Variants in ABCA12 observed in about 807,000 individuals in gnomAD.
ABCA12 encodes glucosylceramide transporter ABCA12.
Under a neutral mutation model 293.5 loss-of-function variants are expected in ABCA12, and 156 were observed. The ratio of observed to expected loss-of-function variants is 0.53; its 90% confidence interval spans 0.47 to 0.61. The LOEUF (loss-of-function observed/expected upper bound fraction) is 0.61, where lower values mean the gene tolerates loss of function less well. Ranked by LOEUF, ABCA12 falls within the 20% of genes least tolerant of loss-of-function variation. The probability of loss-of-function intolerance (pLI) is 0.00; values close to 1 mark genes in which losing one functional copy is unlikely to be tolerated. For synonymous variants in ABCA12, 1,063 were observed against 1,108.0 expected (o/e 0.96, Z 0.81); for missense variants, 2,797 against 3,090.2 (o/e 0.91, Z 2.25).
At chr2:215,030,477 G>T (rs979503657) in intron 9 of ABCA12, among the ~76,000 whole-genome samples, 1 of 151,904 alleles carries the variant, frequency 6.6e-6, no homozygotes, top group African/African-American at 2.4e-5. Context: ...GGTGGCAAGC[G>T]CCTGTAGTCC....
chr2:215,026,580 C>T (rs1441846575), intron 10 of ABCA12, among the ~76,000 whole-genome samples: 1 of 152,132 alleles, frequency 6.6e-6, no homozygotes, highest in Non-Finnish European at 1.5e-5. Flanking sequence ...CATTATATGG[C>T]CATTATGTAT....
chr2:214,941,170 TTC>T (rs1198644413), intron 50 of ABCA12, among the ~76,000 whole-genome samples: 1 of 152,208 alleles, frequency 6.6e-6, no homozygotes, highest in East Asian at 1.9e-4. Flanking sequence ...TGTGTCTGTG[TTC>T]TCATTGGTTT....
At chr2:215,019,217 G>T in intron 13 of ABCA12, 119 bp downstream of exon 13, 1 of 827,444 alleles carries the variant, frequency 1.2e-6, no homozygotes, top group Non-Finnish European at 2.0e-6. Context: ...TTTCTCATGT[G>T]TAAGGGCAGA....
intron 1 of ABCA12, among the ~76,000 whole-genome samples, chr2:215,114,787 A>G (rs1000852625): frequency 6.6e-6 from 1 of 152,204 alleles, no homozygotes; most frequent in African/African-American, 2.4e-5. Context: ...AATTAAGGTT[A>G]AAAAATTAAT....
rs1698148240 is a variant in ABCA12, at chr2:214,934,150, A to G, written c.7608T>C (p.Phe2536=). Residue 2536 remains phenylalanine, a synonymous_variant, in exon 52 of 53, where the codon TTT becomes TTC. Coordinates refer to ENST00000272895, the MANE Select transcript of ABCA12 (RefSeq NM_173076.3). ...PVTAGGVANI[F]DLLETNKTAL... is the part of the protein sequence containing the mutation. ...CAGTCTTGTTGGTTTCCAGCAGATCAAAAATGTTTGCGACTCCTCCTGCTG... is the reference window on the plus strand; with the variant it reads ...CAGTCTTGTTGGTTTCCAGCAGATCGAAAATGTTTGCGACTCCTCCTGCTG... 1 of 1,613,694 alleles carries G rather than the reference A, an allele frequency of 6.2e-7. No homozygotes were observed.
chr2:215,088,797 G>A (rs988863929), intron 2 of ABCA12, among the ~76,000 whole-genome samples: 5 of 152,134 alleles, frequency 3.3e-5, no homozygotes, highest in East Asian at 1.9e-4. Context: ...GGTTAAGATC[G>A]TGCATTTGTC....
At chr2:215,055,002 A>G (rs1338035439) in intron 3 of ABCA12, among the ~76,000 whole-genome samples, 1 of 152,140 alleles carries the variant, frequency 6.6e-6, no homozygotes, top group Non-Finnish European at 1.5e-5. Context: ...GGTCCCAAAC[A>G]AATGAGAATC....
rs923096427 is a variant in ABCA12, at chr2:215,111,499, C to T, written c.163+98G>A. The T allele has an allele frequency of 6.3e-5, 60 of 947,500 alleles. No homozygotes were observed. The African/African-American group carries it at 7.9e-4, about 12-fold the overall frequency. The allele number at this position is 947,500 out of a possible 1,614,324, so 58.7% of individuals were successfully genotyped here. A position where few individuals can be genotyped will look rare whatever the true frequency, so the allele number is the denominator to read the frequency against. ...AATCCTTCCAAGTGAAAACACTATACAAAAAAAAATTTTTGAAATGAAACA... is the reference window on the plus strand; with the variant it reads ...AATCCTTCCAAGTGAAAACACTATATAAAAAAAAATTTTTGAAATGAAACA... On this transcript the variant is annotated intron_variant, in intron 2 of 52. Coordinates refer to ENST00000272895, the MANE Select transcript of ABCA12 (RefSeq NM_173076.3).
intron 22 of ABCA12, among the ~76,000 whole-genome samples, chr2:214,999,416 T>C (rs1162410841): frequency 1.3e-5 from 2 of 152,200 alleles, no homozygotes; most frequent in African/African-American, 4.8e-5. Flanking sequence ...TTTCAGTTTT[T>C]TCATCTGGAA....
chr2:215,123,195 A>G (rs1261899993), intron 1 of ABCA12, among the ~76,000 whole-genome samples: 2 of 151,638 alleles, frequency 1.3e-5, no homozygotes, highest in Non-Finnish European at 2.9e-5. Flanking sequence ...CTTTTTTAAG[A>G]TGGAGTTTTG....
rs143702609 is a variant in ABCA12, at chr2:214,994,223, C to T, written c.3295-3192G>A. On this transcript the variant is annotated intron_variant, in intron 23 of 52. Coordinates refer to ENST00000272895, the MANE Select transcript of ABCA12 (RefSeq NM_173076.3). ...CTGATGGAAGGGGGCCCACCGAGAG[C>T]GGCTAGATGTGCTTTCTTGGATGCC... 7.8e-3 allele frequency among the ~76,000 whole-genome samples: 1,187 copies of T among 152,098 alleles called. 17 individuals are homozygous for T. Among genetic ancestry groups the T allele is most frequent in the African/African-American group, 0.026 (1,095 of 41,480 alleles).
At chr2:215,017,944 C>A (rs1469684362) in intron 14 of ABCA12, 64 bp downstream of exon 14, 1 of 1,609,540 alleles carries the variant, frequency 6.2e-7, no homozygotes, top group African/African-American at 1.3e-5. Flanking sequence ...AAGCGCTCAA[C>A]AAATGCTAAA....
chr2:214,968,083 T>C (rs1179013958), intron 38 of ABCA12, among the ~76,000 whole-genome samples: 1 of 152,166 alleles, frequency 6.6e-6, no homozygotes, highest in Admixed American at 6.6e-5. Context: ...CTAAATAGTT[T>C]TGACGTATAC....
chr2:215,070,799 T>C (rs951725978), intron 2 of ABCA12, among the ~76,000 whole-genome samples: 29 of 152,084 alleles, frequency 1.9e-4, no homozygotes, highest in Middle Eastern at 3.4e-3. Flanking sequence ...GTAAAATGCA[T>C]ATAGAAATCA....
intron 1 of ABCA12, among the ~76,000 whole-genome samples, chr2:215,127,420 T>G (rs2105913941): frequency 6.6e-6 from 1 of 152,322 alleles, no homozygotes; most frequent in African/African-American, 2.4e-5. Flanking sequence ...ACTATGTTGC[T>G]GCCTATCTCA....
chr2:215,076,490 C>CT (rs1701836661), intron 2 of ABCA12, among the ~76,000 whole-genome samples: 1 of 152,080 alleles, frequency 6.6e-6, no homozygotes. Context: ...TTACATCTAT[C>CT]AGATTGGCAA....
At chr2:215,018,302 T>A (rs1279370040) in intron 13 of ABCA12, among the ~76,000 whole-genome samples, 170 bp from the exon 14 acceptor site, 2 of 152,228 alleles carry the variant, frequency 1.3e-5, no homozygotes, top group Non-Finnish European at 2.9e-5. Context: ...TTCTATCTGA[T>A]TTAGATTTGT....
intron 9 of ABCA12, among the ~76,000 whole-genome samples, chr2:215,030,465 G>A (rs4270341): frequency 1 from 151,387 of 151,960 alleles, 75,412 homozygotes; most frequent in Non-Finnish European, 1. Context: ...TTAGCCAGGC[G>A]TGGTGGCAAG....
chr2:214,967,373 C>G (rs1165925608), intron 38 of ABCA12, among the ~76,000 whole-genome samples: 1 of 152,106 alleles, frequency 6.6e-6, no homozygotes, highest in Non-Finnish European at 1.5e-5. Flanking sequence ...CATATACACG[C>G]ATGGTGTCCT....
Sources: gnomAD v4.1 joint callset for allele counts (sites outside exome capture counted in the v4.1 genomes callset) on GRCh38, gnomAD v4.1.1 for gene constraint, MANE v1.5 for transcripts, NCBI Gene and HGNC (gene_info 2026-07-23, HGNC 2026-07-21) for gene names.